The following ADGRD2 variants were observed in gnomAD, a reference collection of about 807,000 sequenced individuals.
ADGRD2 encodes G protein-coupled receptor PGR24.
Under a neutral mutation model 44.4 loss-of-function variants are expected in ADGRD2, and 71 were observed. The ratio of observed to expected loss-of-function variants is 1.60; its 90% CI spans 1.32 to 1.95. The LOEUF (loss-of-function observed/expected upper bound fraction) is 1.95, where lower values mean the gene tolerates loss of function less well. Among genes scored for constraint, ADGRD2 ranks in the 30% most tolerant of loss-of-function variants. The pLI is 0.00. For synonymous variants in ADGRD2, 481 were observed against 224.8 expected (o/e 2.14, Z -10.19); for missense variants, 1,039 against 512.4 (o/e 2.03, Z -9.92).
At chr9:124,471,544 T>C (rs7852843) in intron 17 of ADGRD2, among the ~76,000 whole-genome samples, 93,259 of 152,096 alleles carry the variant, frequency 0.61, 30,943 homozygotes, top group African/African-American at 0.87. Flanking sequence ...TATCTCCCAA[T>C]AAGCCTTGTA....
rs537663713 is a variant in ADGRD2 at position 124,475,505 on chromosome 9, G to A, written c.2800+18G>A. The A allele has an allele frequency of 7.0e-5, 50 of 715,032 alleles. No homozygotes were observed. The highest frequency in any genetic ancestry group is 4.8e-4 in the Admixed American group (24 of 49,538). 44.3% of individuals were successfully genotyped at this position (715,032 alleles called of 1,614,324 possible). ...ATGAGGAGGTGAGTCTGGGGGTGCC[G>A]GCTGCAGGGAGAGGGGTCCAAGGGG... is the stretch of plus-strand genomic sequence containing the variant. On this transcript the variant is annotated intron_variant, in intron 18 of 21. Transcript: ENST00000334810.
chr9:124,458,649 C>A, exon 10 of ADGRD2: 1 of 718,824 alleles, frequency 1.4e-6, no homozygotes, highest in Non-Finnish European at 2.6e-6. Flanking sequence ...CAGCCATCAT[C>A]TCCTCTGAAG....
chr9:124,451,272 C>T, upstream of ADGRD2: 1 of 467,480 alleles, frequency 2.1e-6, no homozygotes, highest in Non-Finnish European at 4.4e-6. Context: ...ACACAAAGCC[C>T]ACCTGGACCT....
intron 6 of ADGRD2, among the ~76,000 whole-genome samples, chr9:124,456,035 C>G (rs1831609498): frequency 6.6e-6 from 1 of 152,176 alleles, no homozygotes; most frequent in Non-Finnish European, 1.5e-5. Context: ...AGTGAGCTCC[C>G]CGTCCTGGGA....
At chr9:124,476,759 AC>A in intron 21 of ADGRD2, 50 bp downstream of exon 24, 1 of 684,172 alleles carries the variant, frequency 1.5e-6, no homozygotes, top group Non-Finnish European at 2.7e-6. Context: ...GGGCCTGGAC[AC>A]CCCCTAAGCC....
chr9:124,463,935 T>A (rs1831765665), intron 10 of ADGRD2, among the ~76,000 whole-genome samples: 1 of 152,126 alleles, frequency 6.6e-6, no homozygotes, highest in Non-Finnish European at 1.5e-5. Flanking sequence ...CCTCCTGGGA[T>A]CAAGCGATCC....
rs1261113644 is a variant in ADGRD2, at chr9:124,468,679, C to A, written c.2387+7C>A. 2 of 711,726 alleles carry A rather than the reference C, an allele frequency of 2.8e-6. No homozygotes were observed. Among genetic ancestry groups the A allele is most frequent in the East Asian group, 2.7e-5 (1 of 37,284 alleles). 44.1% of individuals were successfully genotyped at this position (711,726 alleles called of 1,614,324 possible). On this transcript the variant is annotated splice_region_variant and intron_variant, in intron 14 of 21. Transcript: ENST00000334810. The stretch of plus-strand genomic sequence containing the variant: ...TACCACGCCACAGGCTGGGGTGAGG[C>A]CTGCTCTGCACCCACACTCTCTTCT...
At position 124,468,557 on chromosome 9, in the gene ADGRD2, CT is replaced by C. The variant is rs745573230; in HGVS notation, c.2275del (p.Leu760TrpfsTer19). The C allele has an allele frequency of 2.8e-6, 2 of 718,650 alleles. No individual in the cohort carries two copies. The highest frequency in any genetic ancestry group is 2.3e-4 in the Middle Eastern group (1 of 4,368). 44.5% of individuals were successfully genotyped at this position (718,650 alleles called of 1,614,324 possible). ...CTGTCACAGTCGCAATGCACTTCCTCTTTCTGGTGGCATTCTCCTGGATGCT... is the reference window on the plus strand; with the variant it reads ...CTGTCACAGTCGCAATGCACTTCCTCTTCTGGTGGCATTCTCCTGGATGCT... On this transcript the variant is annotated frameshift_variant, in exon 14 of 22. Coordinates refer to ENST00000334810, the Ensembl canonical transcript of ADGRD2. LOFTEE classifies it high-confidence loss of function.
chr9:124,452,586 G>C, exon 2 of ADGRD2: 1 of 718,522 alleles, frequency 1.4e-6, no homozygotes, highest in South Asian at 1.5e-5. Context: ...TGAGCTGGTG[G>C]CAGGCCCAAG....
Position 124,468,379 on chromosome 9 carries a change from C to G in ADGRD2, c.2234-140C>G, listed in dbSNP as rs1486627296. 1.3e-5 allele frequency: 9 copies of G among 680,742 alleles called. No homozygotes were observed. In the Admixed American group the frequency reaches 1.9e-4, roughly 14 times the overall value. The allele number at this position is 680,742 out of a possible 1,614,324, so 42.2% of individuals were successfully genotyped here. On this transcript the variant is annotated intron_variant, in intron 13 of 21. Transcript: ENST00000334810. ...GGAGGAAAGGCCCCGAATGGTGGAG[C>G]GGGGCCCAGGCTGCTACCCAGAGGC...
At chr9:124,472,195 G>T (rs185057553) in intron 17 of ADGRD2, among the ~76,000 whole-genome samples, 43 of 151,908 alleles carry the variant, frequency 2.8e-4, no homozygotes, top group Admixed American at 1.7e-3. Context: ...TGCCACCGTC[G>T]CACCGTCTCA....
At chr9:124,469,654 C>G in intron 16 of ADGRD2, 107 bp downstream of exon 19, 1 of 668,428 alleles carries the variant, frequency 1.5e-6, no homozygotes. Context: ...GTGTCCAGAG[C>G]GTGACCGTGT....
intron 6 of ADGRD2, among the ~76,000 whole-genome samples, chr9:124,456,192 T>G (rs1376449868): frequency 6.6e-6 from 1 of 152,206 alleles, no homozygotes; most frequent in Non-Finnish European, 1.5e-5. Flanking sequence ...GGATGAACAG[T>G]GTGACTTGCC....
At chr9:124,452,610 G>A in exon 2 of ADGRD2, 1 of 718,488 alleles carries the variant, frequency 1.4e-6, no homozygotes. Flanking sequence ...CCTGCGAGCA[G>A]CAGTTTGGCC....
At chr9:124,468,738 T>C in intron 14 of ADGRD2, 66 bp downstream of exon 17, 1 of 659,026 alleles carries the variant, frequency 1.5e-6, no homozygotes, top group East Asian at 2.7e-5. Flanking sequence ...GACCCTGCCA[T>C]CTAACATGGC....
At chr9:124,453,882 C>T in intron 3 of ADGRD2, 117 bp from the exon 7 acceptor site, 1 of 597,748 alleles carries the variant, frequency 1.7e-6, no homozygotes, top group Non-Finnish European at 3.0e-6. Flanking sequence ...ACCCCCACCC[C>T]GAGCTGGCAA....
rs756993630 is a variant in ADGRD2 at position 124,467,843 on chromosome 9, T to C, written c.2130+19T>C. 10 of 718,046 alleles carry C rather than the reference T, an allele frequency of 1.4e-5. No homozygotes were observed. The highest frequency in any genetic ancestry group is 8.9e-5 in the South Asian group (6 of 67,586). 44.5% of individuals were successfully genotyped at this position (718,046 alleles called of 1,614,324 possible). ...TGGCCGGGTGAGGAGAGTTCACCAC[T>C]GTAGCCTGGTGGCCTGGGCCCTCCC... On this transcript the variant is annotated intron_variant, in intron 12 of 21. Transcript: ENST00000334810.
chr9:124,456,680 G>A (rs910061715), exon 7 of ADGRD2: 1 of 716,244 alleles, frequency 1.4e-6, no homozygotes, highest in Non-Finnish European at 2.6e-6. Flanking sequence ...CCCCTGCTGA[G>A]CACCTCAATG....
At chr9:124,451,188 A>G, upstream of ADGRD2, 1 of 472,226 alleles carries the variant, frequency 2.1e-6, no homozygotes, top group Non-Finnish European at 4.4e-6. Flanking sequence ...TGCACGGAGC[A>G]GCGGTGGACA....
Sources: allele counts gnomAD v4.1 joint callset (sites outside exome capture counted in the v4.1 genomes callset), GRCh38; gene constraint gnomAD v4.1.1; transcripts MANE v1.5; gene names NCBI Gene and HGNC (gene_info 2026-07-23, HGNC 2026-07-21).